Variants in CFAP77 observed in about 807,000 individuals in gnomAD.
CFAP77 encodes cilia and flagella associated protein 77, also known as cilia- and flagella-associated protein 77.
A neutral mutation model predicts 31.1 loss-of-function variants in CFAP77; 25 were observed. The ratio of observed to expected loss-of-function variants is 0.80; its 90% confidence interval spans 0.59 to 1.12. The LOEUF (loss-of-function observed/expected upper bound fraction) is 1.12, where lower values mean the gene tolerates loss of function less well. Ranked by LOEUF, CFAP77 falls within the 50% of genes most tolerant of loss-of-function variation. The pLI is 0.00. For synonymous variants in CFAP77, 151 were observed against 159.9 expected (o/e 0.94, Z 0.42); for missense variants, 377 against 397.3 (o/e 0.95, Z 0.44).
chr9:132,432,522 G>C (rs1435011062), intron 1 of CFAP77, among the ~76,000 whole-genome samples: 1 of 141,036 alleles, frequency 7.1e-6, no homozygotes, highest in Non-Finnish European at 1.5e-5. Context: ...TCCCTTCTTA[G>C]TCCTTGGTTC....
chr9:132,421,283 T>C (rs1850211636), intron 1 of CFAP77, among the ~76,000 whole-genome samples: 1 of 151,298 alleles, frequency 6.6e-6, no homozygotes. Flanking sequence ...TGAGCCACCA[T>C]GCCCGGCCTT....
At chr9:132,538,291 T>C (rs1162877575) in intron 4 of CFAP77, among the ~76,000 whole-genome samples, 2 of 152,204 alleles carry the variant, frequency 1.3e-5, no homozygotes, top group African/African-American at 4.8e-5. Flanking sequence ...TTGTAATCGC[T>C]GCTTCCCAGG....
chr9:132,452,377 C>T (rs370189373), intron 1 of CFAP77, among the ~76,000 whole-genome samples: 1 of 152,202 alleles, frequency 6.6e-6, no homozygotes, highest in South Asian at 2.1e-4. Context: ...TATAAATAGG[C>T]AAGACCCCTT....
chr9:132,451,761 G>GC (rs1850831273), intron 1 of CFAP77, among the ~76,000 whole-genome samples: 1 of 150,952 alleles, frequency 6.6e-6, no homozygotes, highest in Admixed American at 6.6e-5. Context: ...CCTCCACTCT[G>GC]CCTCCCACCC....
chr9:132,538,045 G>A (rs1403180515), intron 4 of CFAP77, among the ~76,000 whole-genome samples: 1 of 152,080 alleles, frequency 6.6e-6, no homozygotes, highest in Non-Finnish European at 1.5e-5. Flanking sequence ...CCCAAAATCA[G>A]ATTTTAGACT....
chr9:132,460,579 G>C lies in CFAP77; in HGVS notation c.196-38116G>C, dbSNP rs146550087. 9.1e-4 allele frequency among the ~76,000 whole-genome samples: 139 copies of C among 152,216 alleles called. 1 individual carries two copies. The highest frequency in any genetic ancestry group is 3.3e-3 in the African/African-American group (135 of 41,522). On this transcript the variant is annotated intron_variant, in intron 1 of 5. Coordinates refer to ENST00000393216, the MANE Select transcript of CFAP77 (RefSeq NM_001282957.2). Reference sequence around the variant, plus strand: ...AGAATAGGCAAATCCATAGAAAATGGATCAAATAGACCAGTGGCTGCTAAG... The same window carrying C: ...AGAATAGGCAAATCCATAGAAAATGCATCAAATAGACCAGTGGCTGCTAAG...
intron 1 of CFAP77, among the ~76,000 whole-genome samples, chr9:132,427,506 G>A (rs913125511): frequency 2.0e-5 from 3 of 152,110 alleles, no homozygotes; most frequent in Non-Finnish European, 4.4e-5. Flanking sequence ...TCCCAGCTAC[G>A]TGGGAGGCTG....
chr9:132,565,200 G>A lies in CFAP77; in HGVS notation c.733-7188G>A, dbSNP rs141198336. On this transcript the variant is annotated intron_variant, in intron 5 of 5. Coordinates refer to ENST00000393216, the MANE Select transcript of CFAP77 (RefSeq NM_001282957.2). This position sits in a 1 kb window ranked among gnomAD's most constrained non-coding sequence, Gnocchi z 4.1. Reference sequence around the variant, plus strand: ...CTGCTGCCCATAACAGCAATGGCTCGCTTTCATTTCCTGGAATTCACCCCC... The same window carrying A: ...CTGCTGCCCATAACAGCAATGGCTCACTTTCATTTCCTGGAATTCACCCCC... 1.3e-5 allele frequency among the ~76,000 whole-genome samples: 2 copies of A among 151,668 alleles called. No individual in the cohort carries two copies. Among genetic ancestry groups the A allele is most frequent in the African/African-American group, 4.8e-5 (2 of 41,320 alleles).
chr9:132,563,946 C>T (rs897568462), intron 5 of CFAP77, among the ~76,000 whole-genome samples: 2 of 152,152 alleles, frequency 1.3e-5, no homozygotes, highest in Non-Finnish European at 2.9e-5. Context: ...AGCTGTGGGA[C>T]CCCAGCACCA....
chr9:132,439,673 T>C (rs540114587), intron 1 of CFAP77, among the ~76,000 whole-genome samples: 19 of 151,974 alleles, frequency 1.3e-4, no homozygotes, highest in South Asian at 6.2e-4. Context: ...GGTGAAACCC[T>C]GTCTTTACTA....
At chr9:132,478,374 C>A (rs1303828378) in intron 1 of CFAP77, among the ~76,000 whole-genome samples, 6 of 149,930 alleles carry the variant, frequency 4.0e-5, no homozygotes, top group African/African-American at 1.5e-4. Flanking sequence ...GAAGACGCGG[C>A]ACTGGTTCCC....
chr9:132,462,195 C>A (rs1003949998), intron 1 of CFAP77, among the ~76,000 whole-genome samples: 1 of 152,046 alleles, frequency 6.6e-6, no homozygotes, highest in Non-Finnish European at 1.5e-5. Flanking sequence ...GGAATGGGTT[C>A]CCCTGGGACG....
chr9:132,568,339 G>A (rs1419859055), intron 5 of CFAP77, among the ~76,000 whole-genome samples: 1 of 152,152 alleles, frequency 6.6e-6, no homozygotes, highest in East Asian at 1.9e-4. Context: ...TGGATCACCT[G>A]AGGTCAAGAG....
intron 1 of CFAP77, among the ~76,000 whole-genome samples, chr9:132,479,040 C>T (rs566974196): frequency 2.0e-5 from 3 of 152,290 alleles, no homozygotes; most frequent in African/African-American, 7.2e-5. Flanking sequence ...TCAAGACCAT[C>T]GCTGGAGTCT....
At chr9:132,503,646 C>T (rs1851889591) in intron 3 of CFAP77, among the ~76,000 whole-genome samples, 1 of 152,184 alleles carries the variant, frequency 6.6e-6, no homozygotes, top group South Asian at 2.1e-4. Context: ...CAGAGGTGGG[C>T]AGGATTACTA....
intron 1 of CFAP77, among the ~76,000 whole-genome samples, chr9:132,463,046 A>G (rs1851088020): frequency 6.6e-6 from 1 of 152,136 alleles, no homozygotes; most frequent in African/African-American, 2.4e-5. Context: ...GGATAGCAGG[A>G]CGGGGAGAGG....
chr9:132,411,320 G>C (rs1232168205), intron 1 of CFAP77, among the ~76,000 whole-genome samples: 1 of 152,236 alleles, frequency 6.6e-6, no homozygotes, highest in Non-Finnish European at 1.5e-5. Context: ...GGTAACCGTG[G>C]ATTCAACAAC....
chr9:132,528,592 T>G (rs1488464186), intron 3 of CFAP77, among the ~76,000 whole-genome samples: 1 of 133,732 alleles, frequency 7.5e-6, no homozygotes, highest in Admixed American at 7.4e-5. Context: ...GGAGAAAATT[T>G]TCGCAACCTA....
chr9:132,464,665 A>G (rs1851119680), intron 1 of CFAP77, among the ~76,000 whole-genome samples: 1 of 152,156 alleles, frequency 6.6e-6, no homozygotes, highest in Non-Finnish European at 1.5e-5. Flanking sequence ...GGAAGCCTGG[A>G]GTGTACTTTA....
Sources: allele counts gnomAD v4.1 joint callset (sites outside exome capture counted in the v4.1 genomes callset), GRCh38; gene constraint gnomAD v4.1.1; non-coding constraint Gnocchi (gnomAD v3.1); transcripts MANE v1.5; gene names NCBI Gene and HGNC (gene_info 2026-07-23, HGNC 2026-07-21).